CENPP: variants seen among roughly 807,000 people sequenced by gnomAD.
The protein encoded by CENPP is centromere protein P.
CENPP carries 24 observed loss-of-function variants against 35.6 expected under a neutral mutation model. That is an observed-to-expected ratio of 0.67 (90% confidence interval 0.49 to 0.95). The LOEUF is 0.95. CENPP is among the 40% of genes least tolerant of loss of function. The probability of loss-of-function intolerance (pLI) is 0.00; values close to 1 mark genes in which losing one functional copy is unlikely to be tolerated. For synonymous variants in CENPP, 120 were observed against 125.5 expected, an observed-to-expected ratio of 0.96 and a Z score of 0.29; for missense variants, 332 against 345.3, an observed-to-expected ratio of 0.96 and a Z score of 0.31.
At chr9:92,608,947 G>A (rs1015977738) in intron 5 of CENPP, among the ~76,000 whole-genome samples, 10 of 152,350 alleles carry the variant, frequency 6.6e-5, no homozygotes, top group Non-Finnish European at 1.0e-4. Flanking sequence ...CGGGCCCCAC[G>A]TTGGAGCTGG....
At chr9:92,401,008 T>G (rs1843088797) in intron 5 of CENPP, 3 of 678,254 alleles carry the variant, frequency 4.4e-6, no homozygotes, top group South Asian at 3.8e-5. Flanking sequence ...GTATCTTGAG[T>G]CAGTTTTTGA....
chr9:92,460,336 TTG>T (rs1845058530), intron 5 of CENPP: 8 of 541,556 alleles, frequency 1.5e-5, no homozygotes, highest in Admixed American at 3.6e-5. Context: ...ACCCGGCCAA[TTG>T]TGGTTCTTTC....
chr9:92,335,141 G>A (rs1297313885), intron 2 of CENPP, among the ~76,000 whole-genome samples: 4 of 152,108 alleles, frequency 2.6e-5, no homozygotes, highest in Non-Finnish European at 5.9e-5. Context: ...GCGACAGAAC[G>A]AGACTCCATC....
chr9:92,611,370 G>A lies in CENPP; in HGVS notation c.621G>A (p.Gly207=). Residue 207 remains glycine, a synonymous_variant, in exon 6 of 8, where the codon GGG becomes GGA. Coordinates refer to ENST00000375587, the MANE Select transcript of CENPP (RefSeq NM_001012267.3). ...AGGGGCCCTCCTCCTGCTCCATGGG[G>A]ATCCGCAGCGCCAGCCGGCCAGGGT... ...LSEGPSSCSM[G]IRSASRPGFE... 6.2e-7 allele frequency: 1 copy of A among 1,613,378 alleles called. No homozygotes were observed. The highest frequency in any genetic ancestry group is 8.5e-7 in the Non-Finnish European group (1 of 1,179,970).
At chr9:92,598,164 G>A (rs1340110969) in intron 5 of CENPP, among the ~76,000 whole-genome samples, 2 of 152,192 alleles carry the variant, frequency 1.3e-5, no homozygotes, top group Non-Finnish European at 2.9e-5. Context: ...CTGGTTTGAG[G>A]TGTTCTTTGG....
At chr9:92,523,435 G>A (rs950823447) in intron 5 of CENPP, among the ~76,000 whole-genome samples, 2 of 152,088 alleles carry the variant, frequency 1.3e-5, no homozygotes, top group Admixed American at 6.5e-5. Context: ...CCACCCATAG[G>A]GTACCCAAAG....
intron 4 of CENPP, among the ~76,000 whole-genome samples, chr9:92,349,334 A>C (rs1424754298): frequency 2.0e-5 from 3 of 150,622 alleles, no homozygotes; most frequent in Non-Finnish European, 4.4e-5. Context: ...TTGTTTATTC[A>C]TTTACCCATT....
intron 5 of CENPP, among the ~76,000 whole-genome samples, chr9:92,471,942 C>A (rs1845535888): frequency 6.6e-6 from 1 of 152,152 alleles, no homozygotes; most frequent in Non-Finnish European, 1.5e-5. Flanking sequence ...TTTGATAGAA[C>A]CGTCCTCACT....
chr9:92,618,064 G>A lies in CENPP; in HGVS notation c.*4915G>A, dbSNP rs1197095817. 5.6e-6 allele frequency: 2 copies of A among 354,968 alleles called. No individual in the cohort carries two copies. Among genetic ancestry groups the A allele is most frequent in the South Asian group, 2.1e-5 (1 of 48,026 alleles). The allele number at this position is 354,968 out of a possible 1,614,324, so 22.0% of individuals were successfully genotyped here. A position where few individuals can be genotyped will look rare whatever the true frequency, so the allele number is the denominator to read the frequency against. On this transcript the variant is annotated 3_prime_UTR_variant, in exon 8 of 8. Coordinates refer to ENST00000375587, the MANE Select transcript of CENPP (RefSeq NM_001012267.3). ...TCATGATAAATCCCAGCCTTAGTTT[G>A]TCCCTAGGCCTCTAGAGCACCACAG...
chr9:92,554,020 T>C (rs1849667413), intron 5 of CENPP, among the ~76,000 whole-genome samples: 1 of 152,154 alleles, frequency 6.6e-6, no homozygotes, highest in Admixed American at 6.5e-5. Flanking sequence ...CTTTTCCCCA[T>C]TCAGTATTAT....
At chr9:92,576,403 G>C (rs1294933150) in intron 5 of CENPP, among the ~76,000 whole-genome samples, 1 of 152,168 alleles carries the variant, frequency 6.6e-6, no homozygotes, top group African/African-American at 2.4e-5. Flanking sequence ...CAGGAAAACA[G>C]TTATGAAAAT....
At chr9:92,525,893 C>CAA (rs71362395) in intron 5 of CENPP, among the ~76,000 whole-genome samples, 512 of 43,430 alleles carry the variant, frequency 0.012, 7 homozygotes, top group African/African-American at 0.026. Flanking sequence ...ACTCTATCTC[C>CAA]AAAAAAAAAA....
chr9:92,506,594 G>A (rs543297799), intron 5 of CENPP, among the ~76,000 whole-genome samples: 226 of 152,306 alleles, frequency 1.5e-3, no homozygotes, highest in Admixed American at 1.9e-3. Flanking sequence ...GTGGGACTCC[G>A]TTCTGCTCTT....
intron 5 of CENPP, among the ~76,000 whole-genome samples, chr9:92,606,208 G>A (rs755154581): frequency 6.6e-6 from 1 of 152,156 alleles, no homozygotes; most frequent in African/African-American, 2.4e-5. Context: ...ATTGCAGTGA[G>A]CCAAGAATGC....
At chr9:92,381,282 T>C (rs1309049627) in intron 5 of CENPP, among the ~76,000 whole-genome samples, 1 of 133,468 alleles carries the variant, frequency 7.5e-6, no homozygotes, top group Non-Finnish European at 1.5e-5. Flanking sequence ...TCAGATTTCT[T>C]TTCTTTTTTT....
intron 5 of CENPP, among the ~76,000 whole-genome samples, chr9:92,516,209 A>G (rs1588213728): frequency 6.6e-6 from 1 of 151,640 alleles, no homozygotes; most frequent in East Asian, 1.9e-4. Flanking sequence ...GATTACAGGC[A>G]CCCCACCACC....
At chr9:92,391,800 A>G (rs72752442) in intron 5 of CENPP, among the ~76,000 whole-genome samples, 4,672 of 152,206 alleles carry the variant, frequency 0.031, 113 homozygotes, top group South Asian at 0.084. Context: ...ATTTTTTGCC[A>G]CTCTGAGCAT....
chr9:92,408,405 C>T (rs1001467433), intron 5 of CENPP, among the ~76,000 whole-genome samples: 1 of 152,092 alleles, frequency 6.6e-6, no homozygotes, highest in African/African-American at 2.4e-5. Context: ...AGGATGGTCT[C>T]GATCTCTTGA....
At chr9:92,509,903 T>C (rs755364185) in intron 5 of CENPP, 22 of 1,603,758 alleles carry the variant, frequency 1.4e-5, no homozygotes, top group Non-Finnish European at 1.9e-5. Flanking sequence ...AAATACCTGA[T>C]AAACTTTCTT....
Sources: gnomAD v4.1 joint callset for allele counts (sites outside exome capture counted in the v4.1 genomes callset) on GRCh38, gnomAD v4.1.1 for gene constraint, MANE v1.5 for transcripts, NCBI Gene and HGNC (gene_info 2026-07-23, HGNC 2026-07-21) for gene names.